Variants in TECRL observed in about 807,000 individuals in gnomAD.
TECRL encodes trans-2,3-enoyl-CoA reductase like.
Under a neutral mutation model 52.8 loss-of-function variants are expected in TECRL, and 63 were observed. The observed-to-expected ratio is 1.19, with a 90% CI of 0.97 to 1.47. The LOEUF is 1.47. Ranked by LOEUF, TECRL falls within the 40% of genes most tolerant of loss-of-function variation. The probability of loss-of-function intolerance (pLI) is 0.00; values close to 1 mark genes in which losing one functional copy is unlikely to be tolerated. For missense variants in TECRL, 482 were observed against 429.6 expected, an observed-to-expected ratio of 1.12 and a Z score of -1.08; for synonymous variants, 164 against 141.9, an observed-to-expected ratio of 1.16 and a Z score of -1.10.
chr4:64,323,911 C>T (rs192841502), intron 3 of TECRL, among the ~76,000 whole-genome samples: 18 of 152,238 alleles, frequency 1.2e-4, no homozygotes, highest in Admixed American at 7.8e-4. Flanking sequence ...ATCTCTTAGA[C>T]ATTCAAGAAA....
At chr4:64,289,083 A>G (rs182289054) in intron 9 of TECRL, among the ~76,000 whole-genome samples, 88 of 152,336 alleles carry the variant, frequency 5.8e-4, no homozygotes, top group African/African-American at 1.9e-3. Flanking sequence ...TTTATACTAC[A>G]AGAATAAACT....
At chr4:64,315,846 A>G (rs1717460278) in intron 4 of TECRL, among the ~76,000 whole-genome samples, 1 of 152,106 alleles carries the variant, frequency 6.6e-6, no homozygotes, top group Non-Finnish European at 1.5e-5. Flanking sequence ...TTCTTCAGTT[A>G]TAATTCTGTC....
intron 6 of TECRL, among the ~76,000 whole-genome samples, chr4:64,306,137 A>G (rs1346761990): frequency 6.6e-6 from 1 of 152,116 alleles, no homozygotes; most frequent in Non-Finnish European, 1.5e-5. Flanking sequence ...TCTCTTTATT[A>G]TATGAAACCA....
At chr4:64,395,375 A>C (rs576904469) in intron 1 of TECRL, among the ~76,000 whole-genome samples, 4 of 152,168 alleles carry the variant, frequency 2.6e-5, no homozygotes, top group African/African-American at 9.7e-5. Context: ...TAATTTTATG[A>C]GGAAAGAAAG....
Position 64,372,747 on chromosome 4 carries a change from A to C in TECRL, c.286+2425T>G, listed in dbSNP as rs911283913. Reference sequence around the variant, plus strand: ...CTTCAGGAAATAATGTCTTCTGATAACATATTTTTTTTTTCTTCCCAAGAT... The same window carrying C: ...CTTCAGGAAATAATGTCTTCTGATACCATATTTTTTTTTTCTTCCCAAGAT... On this transcript the variant is annotated intron_variant, in intron 2 of 11. Coordinates refer to ENST00000381210, the MANE Select transcript of TECRL (RefSeq NM_001010874.5). Among the ~76,000 whole-genome samples, 6 of 151,694 alleles carry C rather than the reference A, an allele frequency of 4.0e-5. No homozygotes were observed. The East Asian group carries it at 7.7e-4, about 19-fold the overall frequency.
intron 2 of TECRL, among the ~76,000 whole-genome samples, chr4:64,341,940 C>T (rs755451993): frequency 2.0e-5 from 3 of 152,144 alleles, no homozygotes; most frequent in Non-Finnish European, 2.9e-5. Flanking sequence ...CTCACTCACA[C>T]ACCCTTTGTC....
chr4:64,307,028 C>A (rs1428835223), intron 6 of TECRL, among the ~76,000 whole-genome samples: 1 of 152,174 alleles, frequency 6.6e-6, no homozygotes, highest in Non-Finnish European at 1.5e-5. Flanking sequence ...TACTAGCACA[C>A]AGAATTAGCC....
chr4:64,334,936 A>G (rs955678463), intron 2 of TECRL, among the ~76,000 whole-genome samples: 8 of 152,192 alleles, frequency 5.3e-5, no homozygotes, highest in Admixed American at 4.6e-4. Context: ...CATCATAACT[A>G]TGTCCCCATT....
chr4:64,295,638 A>C (rs1723637952), intron 8 of TECRL, among the ~76,000 whole-genome samples: 1 of 151,814 alleles, frequency 6.6e-6, no homozygotes, highest in Non-Finnish European at 1.5e-5. Context: ...ATGATGTTTG[A>C]AAACATTCAT....
chr4:64,309,353 T>C (rs568148797), intron 6 of TECRL, among the ~76,000 whole-genome samples: 5 of 152,162 alleles, frequency 3.3e-5, no homozygotes, highest in African/African-American at 1.2e-4. Flanking sequence ...TTTTACATAT[T>C]TTTTCATGTT....
intron 3 of TECRL, among the ~76,000 whole-genome samples, chr4:64,323,418 CA>C (rs1718041995): frequency 6.6e-6 from 1 of 151,906 alleles, no homozygotes; most frequent in Admixed American, 6.6e-5. Flanking sequence ...AACAAAACAA[CA>C]AAAAGTGTAA....
intron 1 of TECRL, among the ~76,000 whole-genome samples, chr4:64,406,478 G>T (rs749283190): frequency 6.6e-6 from 1 of 151,668 alleles, no homozygotes; most frequent in Non-Finnish European, 1.5e-5. Context: ...CTCAGCATTT[G>T]TTATTGTTAT....
chr4:64,329,606 T>C (rs923844678), intron 2 of TECRL, among the ~76,000 whole-genome samples: 1 of 151,938 alleles, frequency 6.6e-6, no homozygotes, highest in Non-Finnish European at 1.5e-5. Flanking sequence ...AATTTAACTA[T>C]CTAGAAAATA....
intron 1 of TECRL, among the ~76,000 whole-genome samples, chr4:64,386,136 C>T (rs916248234): frequency 4.6e-5 from 7 of 152,132 alleles, no homozygotes; most frequent in African/African-American, 1.7e-4. Flanking sequence ...TTACTAATAG[C>T]TTACTGTTGA....
At chr4:64,324,615 T>C (rs1718124835) in intron 3 of TECRL, among the ~76,000 whole-genome samples, 1 of 152,068 alleles carries the variant, frequency 6.6e-6, no homozygotes, top group Non-Finnish European at 1.5e-5. Flanking sequence ...GTATATTACA[T>C]TTGAAGGCAG....
Position 64,309,823 on chromosome 4 carries a change from C to G in TECRL, c.657+3G>C. The stretch of plus-strand genomic sequence containing the variant: ...CATTATTAAAAACACAAAGCATCCT[C>G]ACCATTATCAAATTTTTCAAAGGTG... On this transcript the variant is annotated splice_donor_region_variant and intron_variant, in intron 6 of 11. Transcript: ENST00000381210. 1.3e-6 allele frequency: 2 copies of G among 1,566,686 alleles called. No individual in the cohort carries two copies. The highest frequency in any genetic ancestry group is 4.5e-5 in the East Asian group (2 of 44,516).
intron 1 of TECRL, among the ~76,000 whole-genome samples, chr4:64,407,848 T>C (rs1389857221): frequency 6.6e-6 from 1 of 150,420 alleles, no homozygotes; most frequent in Non-Finnish European, 1.5e-5. Flanking sequence ...TTTTGTATGA[T>C]ATTTAAAAAT....
intron 2 of TECRL, among the ~76,000 whole-genome samples, chr4:64,369,033 T>C (rs1400544541): frequency 1.3e-5 from 2 of 152,178 alleles, no homozygotes; most frequent in Admixed American, 1.3e-4. Flanking sequence ...CCCATGGTTC[T>C]TTCTGGGAAC....
rs182751893 is a variant in TECRL at position 64,370,719 on chromosome 4, C to A, written c.286+4453G>T. Reference sequence around the variant, plus strand: ...TAGAAAGAAATGTGATCTAGAAACCCTAAAAAGTATTTACTACTTAAAAAT... The same window carrying A: ...TAGAAAGAAATGTGATCTAGAAACCATAAAAAGTATTTACTACTTAAAAAT... On this transcript the variant is annotated intron_variant, in intron 2 of 11. Transcript: ENST00000381210. Among the ~76,000 whole-genome samples the A allele has an allele frequency of 1.2e-3, 188 of 151,386 alleles. 1 individual carries two copies. Among genetic ancestry groups the A allele is most frequent in the African/African-American group, 4.4e-3 (183 of 41,366 alleles).
Sources: allele counts gnomAD v4.1 joint callset (sites outside exome capture counted in the v4.1 genomes callset), GRCh38; gene constraint gnomAD v4.1.1; transcripts MANE v1.5; gene names NCBI Gene and HGNC (gene_info 2026-07-23, HGNC 2026-07-21).